Variants in ADGRB3 observed in about 807,000 individuals in gnomAD.
The protein encoded by ADGRB3 is adhesion G protein-coupled receptor B3.
In ADGRB3, 37 loss-of-function variants were observed where a neutral mutation model predicts 193.4. That is an observed-to-expected ratio of 0.19 (90% CI 0.15 to 0.25). ADGRB3 has a LOEUF of 0.25. Among genes scored for constraint, ADGRB3 ranks in the 10% least tolerant of loss-of-function variants. The pLI, the probability that ADGRB3 is intolerant of heterozygous loss-of-function variation, is 1.00. For missense variants in ADGRB3, 1,637 were observed against 1,852.9 expected (o/e 0.88, Z 2.14); for synonymous variants, 690 against 644.2 (o/e 1.07, Z -1.08).
At chr6:69,232,559 G>C in intron 17 of ADGRB3, 1 of 1,535,708 alleles carries the variant, frequency 6.5e-7, no homozygotes, top group Non-Finnish European at 8.7e-7. Flanking sequence ...CAAAGAAGCA[G>C]TTGAGGGAAA....
intron 3 of ADGRB3, among the ~76,000 whole-genome samples, chr6:68,676,914 C>T (rs1243017921): frequency 6.6e-6 from 1 of 151,806 alleles, no homozygotes; most frequent in Non-Finnish European, 1.5e-5. Flanking sequence ...ATCAAATTTG[C>T]AAAACAGACA....
At chr6:68,675,330 T>C (rs1008316556) in intron 3 of ADGRB3, among the ~76,000 whole-genome samples, 1 of 152,006 alleles carries the variant, frequency 6.6e-6, no homozygotes, top group East Asian at 1.9e-4. Context: ...ATTCTGGCCC[T>C]AAAGCAATAA....
At chr6:68,966,228 A>G (rs966231663) in intron 8 of ADGRB3, among the ~76,000 whole-genome samples, 1 of 152,052 alleles carries the variant, frequency 6.6e-6, no homozygotes, top group Non-Finnish European at 1.5e-5. Context: ...ATTAATCTAC[A>G]TCCTATGATT....
In ADGRB3 at chr6:69,183,331, T is replaced by C. The variant is rs185894707; in HGVS notation, c.2481-49959T>C. On this transcript the variant is annotated intron_variant, in intron 17 of 31. Coordinates refer to ENST00000370598, the MANE Select transcript of ADGRB3 (RefSeq NM_001704.3). ...ATTGCCCTGCACTATACAAAGTGAT[T>C]TGAAATTTTTGTGGTACTTTCCCTT... Among the ~76,000 whole-genome samples the C allele has an allele frequency of 1.8e-3, 273 of 152,262 alleles. 2 individuals carry two copies. Among genetic ancestry groups the C allele is most frequent in the Admixed American group, 5.2e-3 (79 of 15,288 alleles).
rs1197245478 is a variant in ADGRB3 at position 68,807,238 on chromosome 6, T to TC, written c.758-123321_758-123320insC. On this transcript the variant is annotated intron_variant, in intron 3 of 31. Transcript: ENST00000370598. ...TTCTTTTTCTTTTTTCTTTTTTCTT[T>TC]TTTTTTTTTTTTTTTTTGAGACAGA... is the stretch of plus-strand genomic sequence containing the variant. 1.6e-4 allele frequency among the ~76,000 whole-genome samples: 21 copies of TC among 130,840 alleles called. 1 individual carries two copies. Among genetic ancestry groups the TC allele is most frequent in the African/African-American group, 4.7e-4 (15 of 31,688 alleles). The allele number at this position is 130,840 out of a possible 152,430, so 85.8% of individuals were successfully genotyped here. A position where few individuals can be genotyped will look rare whatever the true frequency, so the allele number is the denominator to read the frequency against.
intron 8 of ADGRB3, among the ~76,000 whole-genome samples, chr6:68,968,280 T>A (rs1172436985): frequency 1.3e-5 from 2 of 152,116 alleles, no homozygotes; most frequent in Admixed American, 1.3e-4. Context: ...GACCACATTT[T>A]CTAACTACAC....
At chr6:69,141,284 C>T (rs1285532618) in intron 17 of ADGRB3, among the ~76,000 whole-genome samples, 1 of 152,100 alleles carries the variant, frequency 6.6e-6, no homozygotes, top group South Asian at 2.1e-4. Context: ...CCACCATGCC[C>T]GGCTAATTTT....
chr6:68,767,905 CAG>C (rs1766541553), intron 3 of ADGRB3, among the ~76,000 whole-genome samples: 1 of 152,070 alleles, frequency 6.6e-6, no homozygotes, highest in Middle Eastern at 3.2e-3. Flanking sequence ...GTTAGATAAA[CAG>C]AGAGCCAAAT....
chr6:69,095,601 C>T (rs982690332), intron 17 of ADGRB3, among the ~76,000 whole-genome samples: 8 of 152,216 alleles, frequency 5.3e-5, no homozygotes, highest in African/African-American at 1.4e-4. Context: ...CCGTTTATCA[C>T]GTGTTCTAAT....
At chr6:68,724,123 A>T (rs1426933088) in intron 3 of ADGRB3, among the ~76,000 whole-genome samples, 1 of 151,624 alleles carries the variant, frequency 6.6e-6, no homozygotes, top group Non-Finnish European at 1.5e-5. Context: ...CCTCAGTGGA[A>T]AGATTGTTTT....
chr6:69,343,107 T>G (rs1769011891), intron 26 of ADGRB3, among the ~76,000 whole-genome samples: 1 of 151,872 alleles, frequency 6.6e-6, no homozygotes, highest in Non-Finnish European at 1.5e-5. Flanking sequence ...CTGTGATATT[T>G]TTAATGTGTT....
At chr6:68,696,098 C>T (rs1318504127) in intron 3 of ADGRB3, among the ~76,000 whole-genome samples, 1 of 152,012 alleles carries the variant, frequency 6.6e-6, no homozygotes, top group Non-Finnish European at 1.5e-5. Flanking sequence ...GCCAGAACTT[C>T]TCTGAAATCC....
chr6:69,191,932 T>C (rs756324694), intron 17 of ADGRB3, among the ~76,000 whole-genome samples: 2 of 152,050 alleles, frequency 1.3e-5, no homozygotes, highest in Non-Finnish European at 2.9e-5. Context: ...AATTCTAGAG[T>C]AGGCAATTAA....
chr6:69,040,990 A>G (rs538965361), intron 13 of ADGRB3, among the ~76,000 whole-genome samples: 51 of 152,166 alleles, frequency 3.4e-4, no homozygotes, highest in Non-Finnish European at 5.1e-4. Context: ...GCTCTGTGTG[A>G]GGATACTTCT....
At chr6:68,738,692 G>T (rs922221303) in intron 3 of ADGRB3, among the ~76,000 whole-genome samples, 1 of 152,132 alleles carries the variant, frequency 6.6e-6, no homozygotes, top group African/African-American at 2.4e-5. Flanking sequence ...TAAGAATGGA[G>T]TTATTTTCTG....
intron 15 of ADGRB3, among the ~76,000 whole-genome samples, chr6:69,050,968 T>C (rs1771376050): frequency 6.6e-6 from 1 of 152,184 alleles, no homozygotes; most frequent in South Asian, 2.1e-4. Context: ...TATAATCTCA[T>C]AGCACTCACT....
chr6:69,150,075 G>A (rs897122263), intron 17 of ADGRB3, among the ~76,000 whole-genome samples: 2 of 151,936 alleles, frequency 1.3e-5, no homozygotes, highest in Non-Finnish European at 2.9e-5. Flanking sequence ...CAACAGCACT[G>A]TCTTGCCAAA....
At position 68,956,756 on chromosome 6, in the gene ADGRB3, A is replaced by G. The variant is rs1174110707; in HGVS notation, c.1472A>G (p.Gln491Arg). 1 of 1,614,108 alleles carries G rather than the reference A, an allele frequency of 6.2e-7. No individual in the cohort carries two copies. Among genetic ancestry groups the G allele is most frequent in the East Asian group, 2.2e-5 (1 of 44,852 alleles). ...CAGGGTGCAGTGATAACAGGGCAGC[A>G]ATGTGAAGGAACGGGCGAAGAAGTG... ...TCQGAVITGQ[Q>R]CEGTGEEVRR... The change falls in exon 8 of 32, where the codon CAA becomes CGA. Residue 491 changes from glutamine to arginine, a missense_variant. Around this residue, in one of 7 missense-constraint regions of ADGRB3, gnomAD observed 641 missense variants for 673.9 expected, o/e 0.95. Transcript: ENST00000370598.
intron 17 of ADGRB3, among the ~76,000 whole-genome samples, chr6:69,106,491 C>T (rs1773220241): frequency 6.6e-6 from 1 of 152,176 alleles, no homozygotes. Flanking sequence ...ACCCTCCTCC[C>T]TTCCATAAGA....
Sources: allele counts gnomAD v4.1 joint callset (sites outside exome capture counted in the v4.1 genomes callset), GRCh38; gene constraint gnomAD v4.1.1; regional missense constraint gnomAD v4.1.1; transcripts MANE v1.5; gene names NCBI Gene and HGNC (gene_info 2026-07-23, HGNC 2026-07-21).